The following SLC26A7 variants were observed in gnomAD, a reference collection of about 807,000 sequenced individuals.
SLC26A7 encodes the protein anion exchange transporter.
A neutral mutation model predicts 82.5 loss-of-function variants in SLC26A7; 59 were observed. The observed-to-expected ratio is 0.72, with a 90% CI of 0.58 to 0.89. The LOEUF (loss-of-function observed/expected upper bound fraction) is 0.89, where lower values mean the gene tolerates loss of function less well. SLC26A7 is among the 40% of genes least tolerant of loss of function. The pLI is 0.00. For missense variants in SLC26A7, 820 were observed against 793.0 expected (o/e 1.03, Z -0.41); for synonymous variants, 271 against 274.3 (o/e 0.99, Z 0.12).
At chr8:91,359,592 G>C (rs1813988829) in intron 11 of SLC26A7, among the ~76,000 whole-genome samples, 1 of 152,172 alleles carries the variant, frequency 6.6e-6, no homozygotes, top group Admixed American at 6.6e-5. Flanking sequence ...GCAGGCGCAT[G>C]ATGATTCAGT....
At chr8:91,257,633 A>T (rs1157262121) in intron 2 of SLC26A7, among the ~76,000 whole-genome samples, 16 of 152,112 alleles carry the variant, frequency 1.1e-4, no homozygotes, top group Admixed American at 9.8e-4. Context: ...AATAAAAAAA[A>T]AACACATTTT....
chr8:91,387,012 A>G (rs1814819664), intron 15 of SLC26A7, among the ~76,000 whole-genome samples: 1 of 152,036 alleles, frequency 6.6e-6, no homozygotes. Context: ...CATTATATAT[A>G]TTTTACCTAT....
chr8:91,361,343 A>G (rs1025854302), intron 11 of SLC26A7, among the ~76,000 whole-genome samples: 1 of 152,162 alleles, frequency 6.6e-6, no homozygotes, highest in Non-Finnish European at 1.5e-5. Flanking sequence ...CCAAGATTGT[A>G]TGCTATTTTT....
chr8:91,282,502 G>C (rs1283198998), intron 2 of SLC26A7, among the ~76,000 whole-genome samples: 3 of 152,154 alleles, frequency 2.0e-5, no homozygotes, highest in Admixed American at 2.0e-4. Context: ...GGAGGTGCAA[G>C]CTCTTTCCTC....
At chr8:91,279,705 G>A (rs539011198) in intron 2 of SLC26A7, among the ~76,000 whole-genome samples, 30 of 152,002 alleles carry the variant, frequency 2.0e-4, no homozygotes, top group Non-Finnish European at 3.7e-4. Context: ...GACTATAGGC[G>A]TCCACCACCA....
intron 4 of SLC26A7, among the ~76,000 whole-genome samples, chr8:91,311,042 T>A (rs1812467948): frequency 6.6e-6 from 1 of 152,186 alleles, no homozygotes; most frequent in South Asian, 2.1e-4. Flanking sequence ...AGGCAAGAGT[T>A]GAGGTTGCTG....
intron 2 of SLC26A7, among the ~76,000 whole-genome samples, chr8:91,254,634 C>A (rs1467589949): frequency 6.6e-6 from 1 of 151,986 alleles, no homozygotes; most frequent in Non-Finnish European, 1.5e-5. Flanking sequence ...GGGGTGGTTA[C>A]CCCTCTTCAG....
At chr8:91,236,418 A>G (rs1016144277) in intron 2 of SLC26A7, among the ~76,000 whole-genome samples, 1 of 152,212 alleles carries the variant, frequency 6.6e-6, no homozygotes, top group African/African-American at 2.4e-5. Flanking sequence ...TAATAAAAGT[A>G]GGTAAGAACA....
chr8:91,318,396 G>A lies in SLC26A7; in HGVS notation c.642+16G>A, dbSNP rs751525755. On this transcript the variant is annotated intron_variant, in intron 5 of 18. Coordinates refer to ENST00000276609, the MANE Select transcript of SLC26A7 (RefSeq NM_052832.4). ...ATTCTTTTATGTGAGTTTTTCGTAT[G>A]CTTTCATACATATCTTTTGAATGTG... 3 of 1,576,914 alleles carry A rather than the reference G, an allele frequency of 1.9e-6. No individual in the cohort carries two copies. The highest frequency in any genetic ancestry group is 2.6e-6 in the Non-Finnish European group (3 of 1,156,352).
At chr8:91,212,090 A>G (rs1163269227) in intron 1 of SLC26A7, among the ~76,000 whole-genome samples, 1 of 152,148 alleles carries the variant, frequency 6.6e-6, no homozygotes, top group African/African-American at 2.4e-5. Context: ...ATTAGTCCTT[A>G]GCAATTACAA....
chr8:91,349,300 T>A (rs1309489514), intron 9 of SLC26A7, among the ~76,000 whole-genome samples: 1 of 152,226 alleles, frequency 6.6e-6, no homozygotes, highest in South Asian at 2.1e-4. Flanking sequence ...ACAAATAGTC[T>A]TTTTCACCCA....
chr8:91,357,791 G>T lies in SLC26A7; in HGVS notation c.1315-4562G>T, dbSNP rs547608279. ...AACTAAACTAAAGAGCTTCTGCACAGCAAAAGAAACTACCATCAGAGTGAA... is the reference window on the plus strand; with the variant it reads ...AACTAAACTAAAGAGCTTCTGCACATCAAAAGAAACTACCATCAGAGTGAA... On this transcript the variant is annotated intron_variant, in intron 11 of 18. Coordinates refer to ENST00000276609, the MANE Select transcript of SLC26A7 (RefSeq NM_052832.4). Among the ~76,000 whole-genome samples the T allele has an allele frequency of 5.1e-4, 78 of 152,286 alleles. No individual in the cohort carries two copies. In the East Asian group the frequency reaches 0.012, roughly 24 times the overall value.
chr8:91,375,823 G>T (rs1814500680), intron 15 of SLC26A7, among the ~76,000 whole-genome samples: 1 of 151,924 alleles, frequency 6.6e-6, no homozygotes, highest in Admixed American at 6.6e-5. Flanking sequence ...TTGCTAAAAT[G>T]TGTTTTTCAA....
rs146110277 is a variant in SLC26A7, at chr8:91,390,794, C to T, written c.1776+1356C>T. On this transcript the variant is annotated intron_variant, in intron 16 of 18. Coordinates refer to ENST00000276609, the MANE Select transcript of SLC26A7 (RefSeq NM_052832.4). ...TGGGTCCCCCTCATCATGCCAGGAC[C>T]CAGAAACTGCTTTGCGGCAGAAAGC... 3.3e-3 allele frequency among the ~76,000 whole-genome samples: 498 copies of T among 152,280 alleles called. 5 individuals are homozygous for T. The highest frequency in any genetic ancestry group is 0.011 in the African/African-American group (469 of 41,550).
rs553721601 is a variant in SLC26A7, at chr8:91,395,805, C to G, written c.*708C>G. 1 of 152,162 alleles carries G rather than the reference C, an allele frequency of 6.6e-6. No individual in the cohort carries two copies. Among genetic ancestry groups the G allele is most frequent in the East Asian group, 1.9e-4 (1 of 5,190 alleles). The allele number at this position is 152,162 out of a possible 1,614,324, so 9.4% of individuals were successfully genotyped here. ...ATTGGAAATGCTTAGGATCTTCAGA[C>G]CCAATAGCTCTAATTTTAACATTTC... On this transcript the variant is annotated 3_prime_UTR_variant, in exon 19 of 19. Coordinates refer to ENST00000276609, the MANE Select transcript of SLC26A7 (RefSeq NM_052832.4).
intron 6 of SLC26A7, among the ~76,000 whole-genome samples, chr8:91,337,771 G>C (rs755396588): frequency 2.0e-5 from 3 of 152,176 alleles, no homozygotes; most frequent in Non-Finnish European, 2.9e-5. Flanking sequence ...GAGAAAATGT[G>C]CTGTCTTACG....
upstream of SLC26A7, among the ~76,000 whole-genome samples, chr8:91,246,104 T>G (rs1020525657): frequency 2.0e-5 from 3 of 152,218 alleles, no homozygotes; most frequent in Non-Finnish European, 2.9e-5. Context: ...TCCTAGAACC[T>G]TTATTCTCAT....
At chr8:91,339,664 A>T (rs200326278) in intron 7 of SLC26A7, among the ~76,000 whole-genome samples, 3 of 147,174 alleles carry the variant, frequency 2.0e-5, no homozygotes, top group Admixed American at 6.8e-5. Flanking sequence ...TTATTTATTT[A>T]ATTTATTTTT....
chr8:91,331,140 CT>C (rs1209646057), intron 5 of SLC26A7, among the ~76,000 whole-genome samples: 1 of 152,052 alleles, frequency 6.6e-6, no homozygotes, highest in Non-Finnish European at 1.5e-5. Context: ...CCTTAATCAC[CT>C]CTTTAAAGGC....
Sources: allele counts gnomAD v4.1 joint callset (sites outside exome capture counted in the v4.1 genomes callset), GRCh38; gene constraint gnomAD v4.1.1; transcripts MANE v1.5; gene names NCBI Gene and HGNC (gene_info 2026-07-23, HGNC 2026-07-21).